The following GLRA2 variants were observed in gnomAD, a reference collection of about 807,000 sequenced individuals.
GLRA2 encodes the protein glycine receptor subunit alpha-2.
In GLRA2, 11 loss-of-function variants were observed where a neutral mutation model predicts 31.6. The observed-to-expected ratio is 0.35, with a 90% CI of 0.22 to 0.58. The LOEUF is 0.58. Among genes scored for constraint, GLRA2 ranks in the 20% least tolerant of loss-of-function variants. GLRA2 has a pLI of 0.84. For synonymous variants in GLRA2, 132 were observed against 134.0 expected, an observed-to-expected ratio of 0.99 and a Z score of 0.10; for missense variants, 212 against 351.8, an observed-to-expected ratio of 0.60 and a Z score of 3.18.
At chrX:14,478,444 G>C in the GLRA2 span, among the ~76,000 whole-genome samples, 1 of 111,855 alleles carries the variant, frequency 8.9e-6, no homozygotes, top group African/African-American at 3.2e-5. Flanking sequence ...CCAATTCATT[G>C]TATTGCTAGC....
the GLRA2 span, among the ~76,000 whole-genome samples, chrX:14,461,853 A>C: frequency 8.9e-6 from 1 of 112,118 alleles, no homozygotes; most frequent in Non-Finnish European, 1.9e-5. Flanking sequence ...TTTACATTTA[A>C]GGTTAAAATT....
intron 7 of GLRA2, among the ~76,000 whole-genome samples, chrX:14,609,994 A>T (rs1416488382): frequency 1.8e-5 from 2 of 112,035 alleles, no homozygotes; most frequent in African/African-American, 6.5e-5. Context: ...AGTAATGATG[A>T]ATGTCCCACT....
intron 7 of GLRA2, among the ~76,000 whole-genome samples, chrX:14,670,245 C>G (rs1044797904): frequency 1.8e-5 from 2 of 111,780 alleles, no homozygotes; most frequent in Non-Finnish European, 3.8e-5. Flanking sequence ...GCATTTTTGT[C>G]AAAGCCATTC....
At chrX:14,603,549 T>C (rs929209896) in intron 4 of GLRA2, among the ~76,000 whole-genome samples, 13 of 111,546 alleles carry the variant, frequency 1.2e-4, no homozygotes, top group Middle Eastern at 4.7e-3. Context: ...TCAAGATGGA[T>C]CAAGGACTTA....
At chrX:14,578,293 A>C (rs1365570750) in intron 3 of GLRA2, among the ~76,000 whole-genome samples, 1 of 112,070 alleles carries the variant, frequency 8.9e-6, no homozygotes, top group Non-Finnish European at 1.9e-5. Flanking sequence ...CCACTAATTT[A>C]TTGTAGGTGT....
intron 6 of GLRA2, 107 bp from the exon 7 acceptor site, chrX:14,608,884 A>G: frequency 2.1e-6 from 1 of 470,548 alleles, no homozygotes; most frequent in Non-Finnish European, 3.7e-6. Flanking sequence ...AATCTTCCAA[A>G]TCCATCTGCA....
At chrX:14,621,997 A>G (rs916022424) in intron 7 of GLRA2, among the ~76,000 whole-genome samples, 2 of 111,773 alleles carry the variant, frequency 1.8e-5, no homozygotes, top group Non-Finnish European at 3.8e-5. Flanking sequence ...AAGTGTTCCT[A>G]TTTCTCCACA....
At chrX:14,639,656 G>A (rs2090752274) in intron 7 of GLRA2, among the ~76,000 whole-genome samples, 1 of 111,689 alleles carries the variant, frequency 9.0e-6, no homozygotes, top group Non-Finnish European at 1.9e-5. Context: ...CATTAGCAAT[G>A]CTGAGACTTG....
intron 2 of GLRA2, among the ~76,000 whole-genome samples, chrX:14,549,503 A>G (rs920258359): frequency 9.0e-6 from 1 of 111,583 alleles, no homozygotes; most frequent in African/African-American, 3.3e-5. Context: ...CACAAAAGAG[A>G]GATGATGAAG....
At position 14,554,635 on chromosome X, in the gene GLRA2, A is replaced by G. The variant is rs1476676469; in HGVS notation, c.203-19698A>G. ...TTTTCCAAAATAAGGTAAAATCATG[A>G]CTCTTACACAGTTATATAATTAATA... On this transcript the variant is annotated intron_variant, in intron 2 of 8. Coordinates refer to ENST00000218075, the MANE Select transcript of GLRA2 (RefSeq NM_002063.4). 7.2e-5 allele frequency among the ~76,000 whole-genome samples: 8 copies of G among 111,398 alleles called. No individual in the cohort carries two copies. The East Asian group carries it at 2.2e-3, about 31-fold the overall frequency.
At chrX:14,463,878 C>T in the GLRA2 span, among the ~76,000 whole-genome samples, 2 of 111,787 alleles carry the variant, frequency 1.8e-5, no homozygotes, top group Non-Finnish European at 3.8e-5. Flanking sequence ...GGGCTGCACA[C>T]ACTGTCCAAC....
chrX:14,460,137 GT>G, the GLRA2 span, among the ~76,000 whole-genome samples: 1 of 111,997 alleles, frequency 8.9e-6, no homozygotes, highest in African/African-American at 3.2e-5. Flanking sequence ...TAATCATGTG[GT>G]TTTTGTCATT....
At chrX:14,470,205 A>G in the GLRA2 span, among the ~76,000 whole-genome samples, 2 of 112,082 alleles carry the variant, frequency 1.8e-5, no homozygotes, top group African/African-American at 6.5e-5. Flanking sequence ...CAAATACAAA[A>G]GTTTTCTAAT....
In GLRA2 at chrX:14,609,214, T is replaced by C. The variant is rs766641886; in HGVS notation, c.930+9T>C. 4 of 1,098,937 alleles carry C rather than the reference T, an allele frequency of 3.6e-6. No homozygotes were observed. In the South Asian group the frequency reaches 7.4e-5, roughly 20 times the overall value. The allele number at this position is 1,098,937 out of a possible 1,213,427, so 90.6% of individuals were successfully genotyped here. ...GGGCATCTCTGCCAAAGGTAAGAAA[T>C]CTTGCTTGATAACAGATGACATGAA... On this transcript the variant is annotated intron_variant, in intron 7 of 8. Coordinates refer to ENST00000218075, the MANE Select transcript of GLRA2 (RefSeq NM_002063.4).
intron 7 of GLRA2, among the ~76,000 whole-genome samples, chrX:14,646,987 CA>C (rs1372096897): frequency 1.8e-5 from 2 of 111,992 alleles, no homozygotes; most frequent in Non-Finnish European, 3.8e-5. Context: ...CTGATTAAAT[CA>C]AGCAAAATAG....
Position 14,607,169 on chromosome X carries a change from A to C in GLRA2, c.616A>C (p.Ser206Arg). Residue 206 changes from serine (S) to arginine (R), a missense_variant, in exon 6 of 9, where the codon AGT becomes CGT. By Grantham distance (110) the Ser-to-Arg change is moderately radical. Coordinates refer to ENST00000218075, the MANE Select transcript of GLRA2 (RefSeq NM_002063.4). ...TMNDLIFEWL[S>R]DGPVQVAEGL... ...GAATGACCTGATATTTGAGTGGTTA[A>C]GTGATGGTCCAGTGCAAGTTGCTGA... 1 of 1,183,964 alleles carries C rather than the reference A, an allele frequency of 8.4e-7. No individual in the cohort carries two copies. The highest frequency in any genetic ancestry group is 1.1e-6 in the Non-Finnish European group (1 of 870,974).
chrX:14,464,746 T>TG, the GLRA2 span, among the ~76,000 whole-genome samples: 10 of 110,330 alleles, frequency 9.1e-5, no homozygotes, highest in East Asian at 2.9e-3. Context: ...TTAGTAGAGA[T>TG]GGGGTTTCAC....
the GLRA2 span, among the ~76,000 whole-genome samples, chrX:14,507,674 A>T: frequency 1.3e-5 from 1 of 74,702 alleles, no homozygotes; most frequent in East Asian, 3.5e-4. Context: ...TAAATATATC[A>T]CTACGAAAGA....
intron 7 of GLRA2, among the ~76,000 whole-genome samples, chrX:14,650,536 C>G (rs1357996804): frequency 9.0e-6 from 1 of 111,211 alleles, no homozygotes; most frequent in Non-Finnish European, 1.9e-5. Flanking sequence ...ACCACTCCTT[C>G]CAGCCTCCTC....
Sources: gnomAD v4.1 joint callset for allele counts (sites outside exome capture counted in the v4.1 genomes callset) on GRCh38, gnomAD v4.1.1 for gene constraint, MANE v1.5 for transcripts, NCBI Gene and HGNC (gene_info 2026-07-23, HGNC 2026-07-21) for gene names.